PGM5: variants seen among roughly 807,000 people sequenced by gnomAD.
The protein encoded by PGM5 is phosphoglucomutase 5, also known as phosphoglucomutase-like protein 5.
A neutral mutation model predicts 59.2 loss-of-function variants in PGM5; 23 were observed. That is an observed-to-expected ratio of 0.39 (90% confidence interval 0.28 to 0.55). PGM5 has a LOEUF of 0.55. Among genes scored for constraint, PGM5 ranks in the 20% least tolerant of loss-of-function variants. The pLI, the probability that PGM5 is intolerant of heterozygous loss-of-function variation, is 0.66. For missense variants in PGM5, 574 were observed against 748.3 expected (o/e 0.77, Z 2.72); for synonymous variants, 214 against 286.0 (o/e 0.75, Z 2.54).
chr9:68,407,869 G>A (rs1436200220), intron 6 of PGM5, among the ~76,000 whole-genome samples: 2 of 152,230 alleles, frequency 1.3e-5, no homozygotes, highest in South Asian at 2.1e-4. Flanking sequence ...TGGCATGAGA[G>A]GACAGAGGAG....
chr9:68,392,171 G>A (rs1203136523), intron 5 of PGM5, 148 bp from the exon 6 acceptor site: 16 of 1,326,702 alleles, frequency 1.2e-5, no homozygotes, highest in African/African-American at 4.4e-5. Context: ...CAGAGATTTC[G>A]AAGAATGTTT....
intron 9 of PGM5, among the ~76,000 whole-genome samples, chr9:68,492,933 G>A (rs1554687959): frequency 3.3e-5 from 5 of 152,104 alleles, no homozygotes; most frequent in South Asian, 2.1e-4. Flanking sequence ...CAGATAAATC[G>A]TTGTGATTTC....
In PGM5 at chr9:68,511,091, G is replaced by A. The variant is rs147294463; in HGVS notation, c.1614+11730G>A. On this transcript the variant is annotated intron_variant, in intron 10 of 10. Coordinates refer to ENST00000396396, the MANE Select transcript of PGM5 (RefSeq NM_021965.4). ...CTCAAAAGGTGTCAGACTCTCCAGA[G>A]AAGATCTAGCAAGGGAAGGGGATTC... is the stretch of plus-strand genomic sequence containing the variant. Among the ~76,000 whole-genome samples, 213 of 152,350 alleles carry A rather than the reference G, an allele frequency of 1.4e-3. 1 individual carries two copies. Among genetic ancestry groups the A allele is most frequent in the African/African-American group, 5.0e-3 (209 of 41,582 alleles).
rs184603447 is a variant in PGM5, at chr9:68,481,190, A to G, written c.1295+1637A>G. ...CTGTTAAGAAGACTTTTACTTAGATATGTATCAGAGAATAAGGAAGCCCAT... is the reference window on the plus strand; with the variant it reads ...CTGTTAAGAAGACTTTTACTTAGATGTGTATCAGAGAATAAGGAAGCCCAT... On this transcript the variant is annotated intron_variant, in intron 8 of 10. Transcript: ENST00000396396. 4.1e-4 allele frequency among the ~76,000 whole-genome samples: 62 copies of G among 152,340 alleles called. No individual in the cohort carries two copies. In the East Asian group the frequency reaches 0.011, roughly 27 times the overall value.
At chr9:68,410,693 G>C (rs1178858679) in intron 6 of PGM5, among the ~76,000 whole-genome samples, 4 of 152,156 alleles carry the variant, frequency 2.6e-5, no homozygotes, top group African/African-American at 9.7e-5. Flanking sequence ...GATGCTCAGA[G>C]TGGGCAAACC....
At chr9:68,425,673 T>G (rs1048996649) in intron 6 of PGM5, among the ~76,000 whole-genome samples, 2 of 151,366 alleles carry the variant, frequency 1.3e-5, no homozygotes, top group Non-Finnish European at 2.9e-5. Context: ...GGGTAAATGG[T>G]GTTTATTTGT....
chr9:68,390,161 A>C (rs1484127727), intron 4 of PGM5, among the ~76,000 whole-genome samples: 1 of 152,170 alleles, frequency 6.6e-6, no homozygotes, highest in African/African-American at 2.4e-5. Flanking sequence ...GGTCTTCTCC[A>C]TGGGCCTTAC....
intron 6 of PGM5, among the ~76,000 whole-genome samples, chr9:68,403,012 G>C (rs1480948062): frequency 2.0e-5 from 3 of 152,196 alleles, no homozygotes; most frequent in African/African-American, 7.2e-5. Context: ...TGTGCAGGGT[G>C]AATCAAGATG....
At chr9:68,380,618 G>A (rs189907964) in intron 2 of PGM5, among the ~76,000 whole-genome samples, 6,213 of 151,772 alleles carry the variant, frequency 0.041, 134 homozygotes, top group Middle Eastern at 0.051. Flanking sequence ...ATAAAATGTA[G>A]TATAGAAAAA....
chr9:68,429,852 C>T (rs1435016172), intron 6 of PGM5, among the ~76,000 whole-genome samples: 3 of 152,220 alleles, frequency 2.0e-5, no homozygotes, highest in Admixed American at 6.5e-5. Flanking sequence ...TTCTTAGCCA[C>T]TCTTCCATGC....
intron 7 of PGM5, among the ~76,000 whole-genome samples, chr9:68,471,947 A>G (rs1824026130): frequency 1.3e-5 from 2 of 148,280 alleles, no homozygotes; most frequent in African/African-American, 2.5e-5. Flanking sequence ...TTAGAGTCCT[A>G]TTGTTCCTAT....
At chr9:68,459,802 T>C (rs1554685232) in intron 6 of PGM5, among the ~76,000 whole-genome samples, 2 of 152,226 alleles carry the variant, frequency 1.3e-5, no homozygotes, top group South Asian at 4.1e-4. Context: ...AATTGTTATT[T>C]GAATATGGTC....
chr9:68,523,626 G>A (rs1320912291), intron 10 of PGM5, among the ~76,000 whole-genome samples: 1 of 152,190 alleles, frequency 6.6e-6, no homozygotes, highest in East Asian at 1.9e-4. Context: ...TCTATTTTAT[G>A]GATGCCAGAA....
intron 6 of PGM5, among the ~76,000 whole-genome samples, chr9:68,395,401 T>A (rs1259297383): frequency 6.6e-6 from 1 of 152,094 alleles, no homozygotes; most frequent in Non-Finnish European, 1.5e-5. Context: ...TTCTTCTTTG[T>A]CAAATTAAAG....
chr9:68,357,574 C>A lies in PGM5; in HGVS notation c.261+186C>A, dbSNP rs1478734080. The A allele has an allele frequency of 4.5e-6, 4 of 895,902 alleles. No homozygotes were observed. In the African/African-American group the frequency reaches 6.8e-5, roughly 15 times the overall value. The allele number at this position is 895,902 out of a possible 1,614,324, so 55.5% of individuals were successfully genotyped here. ...CGCGCTCGCAGCCTCCCCGGTGCAC[C>A]CCGGACACTGGGTTCTATTAGTACC... is the stretch of plus-strand genomic sequence containing the variant. On this transcript the variant is annotated intron_variant, in intron 1 of 10. Coordinates refer to ENST00000396396, the MANE Select transcript of PGM5 (RefSeq NM_021965.4).
intron 1 of PGM5, 32 bp downstream of exon 1, chr9:68,357,420 G>A: frequency 6.5e-7 from 1 of 1,546,742 alleles, no homozygotes; most frequent in Non-Finnish European, 8.7e-7. Flanking sequence ...GCTTCCCGCC[G>A]CGCCGCCGCC....
intron 2 of PGM5, among the ~76,000 whole-genome samples, chr9:68,379,612 C>T (rs1357059532): frequency 1.1e-4 from 16 of 151,984 alleles, no homozygotes; most frequent in African/African-American, 3.6e-4. Context: ...CAATAATAAC[C>T]TTGCTGGTAC....
At chr9:68,480,705 A>AAAAAC (rs558109603) in intron 8 of PGM5, among the ~76,000 whole-genome samples, 21 of 152,006 alleles carry the variant, frequency 1.4e-4, no homozygotes, top group East Asian at 1.4e-3. Flanking sequence ...TCTCAAAAAA[A>AAAAAC]AAAACAAAAC....
chr9:68,365,808 G>C (rs1360351944), intron 1 of PGM5, among the ~76,000 whole-genome samples: 1 of 152,180 alleles, frequency 6.6e-6, no homozygotes, highest in Non-Finnish European at 1.5e-5. Flanking sequence ...AAAGGAATCT[G>C]AAATCAGAGG....
Sources: gnomAD v4.1 joint callset for allele counts (sites outside exome capture counted in the v4.1 genomes callset) on GRCh38, gnomAD v4.1.1 for gene constraint, MANE v1.5 for transcripts, NCBI Gene and HGNC (gene_info 2026-07-23, HGNC 2026-07-21) for gene names.